SIRT5: variants seen among roughly 807,000 people sequenced by gnomAD.
SIRT5 encodes the protein NAD-dependent protein deacylase sirtuin-5, mitochondrial.
Under a neutral mutation model 40.0 loss-of-function variants are expected in SIRT5, and 26 were observed. The ratio of observed to expected loss-of-function variants is 0.65; its 90% CI spans 0.48 to 0.90. The LOEUF (loss-of-function observed/expected upper bound fraction) is 0.90. Ranked by LOEUF, SIRT5 falls within the 40% of genes least tolerant of loss-of-function variation. The pLI, the probability that SIRT5 is intolerant of heterozygous loss-of-function variation, is 0.00. For missense variants in SIRT5, 401 were observed against 402.4 expected, an observed-to-expected ratio of 1.00 and a Z score of 0.03; for synonymous variants, 146 against 149.1, an observed-to-expected ratio of 0.98 and a Z score of 0.15.
intron 9 of SIRT5, among the ~76,000 whole-genome samples, chr6:13,604,273 T>C (rs1762798852): frequency 6.6e-6 from 1 of 152,222 alleles, no homozygotes; most frequent in South Asian, 2.1e-4. Flanking sequence ...TGAGCCTCCG[T>C]CTGATTTGTG....
chr6:13,589,927 A>T (rs1347050779), intron 4 of SIRT5, among the ~76,000 whole-genome samples: 1 of 152,152 alleles, frequency 6.6e-6, no homozygotes, highest in Non-Finnish European at 1.5e-5. Flanking sequence ...ACGCCTGTGG[A>T]CATATTCCTG....
rs1377722738 is a variant in SIRT5, at chr6:13,601,628, CTTCA to C, written c.857+682_857+685del. Among the ~76,000 whole-genome samples the C allele has an allele frequency of 2.6e-5, 4 of 151,872 alleles. No individual in the cohort carries two copies. In the South Asian group the frequency reaches 8.3e-4, roughly 32 times the overall value. On this transcript the variant is annotated intron_variant, in intron 9 of 9. Transcript: ENST00000606117. The stretch of plus-strand genomic sequence containing the variant: ...TAATATAAATGAATAAAATAGAAAA[CTTCA>C]TTGAACCATCTTGTCATTACTTTAA...
chr6:13,582,132 A>G (rs1028369522), intron 2 of SIRT5, among the ~76,000 whole-genome samples: 2 of 152,174 alleles, frequency 1.3e-5, no homozygotes, highest in South Asian at 2.1e-4. Flanking sequence ...CTCGAGTACA[A>G]GTGTGTTCCT....
At chr6:13,589,816 G>A (rs1760587683) in intron 4 of SIRT5, among the ~76,000 whole-genome samples, 1 of 152,214 alleles carries the variant, frequency 6.6e-6, no homozygotes, top group African/African-American at 2.4e-5. Flanking sequence ...TGCGGGAGGA[G>A]CTCGGAGGAG....
intron 9 of SIRT5, among the ~76,000 whole-genome samples, chr6:13,611,207 G>A (rs2841519): frequency 0.31 from 28,240 of 91,036 alleles, 4,353 homozygotes; most frequent in Admixed American, 0.39. Flanking sequence ...GTGTGTGTGT[G>A]TATATATATA....
At chr6:13,604,243 A>G (rs1762793619) in intron 9 of SIRT5, among the ~76,000 whole-genome samples, 2 of 152,270 alleles carry the variant, frequency 1.3e-5, no homozygotes, top group South Asian at 2.1e-4. Context: ...CTTCTAACTT[A>G]TCTCCTGAAA....
intron 3 of SIRT5, among the ~76,000 whole-genome samples, chr6:13,584,458 C>T (rs1759794287): frequency 6.6e-6 from 1 of 152,170 alleles, no homozygotes; most frequent in Non-Finnish European, 1.5e-5. Context: ...TCAAGCAGTT[C>T]TCTTGCCTCA....
chr6:13,590,317 T>C (rs1447058555), intron 4 of SIRT5, among the ~76,000 whole-genome samples: 1 of 152,170 alleles, frequency 6.6e-6, no homozygotes, highest in Non-Finnish European at 1.5e-5. Context: ...AGACAACCCC[T>C]ACTCGGCTCC....
rs1036801875 is a variant in SIRT5, at chr6:13,593,501, C to T, written c.475+1607C>T. Among the ~76,000 whole-genome samples, 4 of 151,998 alleles carry T rather than the reference C, an allele frequency of 2.6e-5. No homozygotes were observed. In the South Asian group the frequency reaches 8.3e-4, roughly 32 times the overall value. On this transcript the variant is annotated intron_variant, in intron 5 of 9. Coordinates refer to ENST00000606117, the MANE Select transcript of SIRT5 (RefSeq NM_012241.5). ...GTGGGCTATGTCATCAGCATAAAAC[C>T]GAGATGACAATGCCTATCTTATAGA...
chr6:13,574,609 GC>G lies in SIRT5; in HGVS notation c.-329del, dbSNP rs1758325562. On this transcript the variant is annotated 5_prime_UTR_variant, in exon 1 of 10. Coordinates refer to ENST00000606117, the MANE Select transcript of SIRT5 (RefSeq NM_012241.5). The stretch of plus-strand genomic sequence containing the variant: ...GGGGCGTGGGAGACTGTATTCGGGG[GC>G]GCGAGCTGCCCCAGGTGAGCCGTGG... 1 of 152,604 alleles carries G rather than the reference GC, an allele frequency of 6.6e-6. No homozygotes were observed. The highest frequency in any genetic ancestry group is 2.1e-4 in the South Asian group (1 of 4,844). 9.5% of individuals were successfully genotyped at this position (152,604 alleles called of 1,614,324 possible).
intron 6 of SIRT5, among the ~76,000 whole-genome samples, chr6:13,596,010 C>A (rs1481021009): frequency 2.0e-5 from 3 of 151,814 alleles, no homozygotes; most frequent in African/African-American, 4.8e-5. Flanking sequence ...AACAAACAAA[C>A]AAAAAAACTA....
chr6:13,614,462 A>G lies in SIRT5; in HGVS notation c.*2597A>G, dbSNP rs987737930. The G allele has an allele frequency of 6.6e-6, 1 of 152,268 alleles. No individual in the cohort carries two copies. The highest frequency in any genetic ancestry group is 2.4e-5 in the African/African-American group (1 of 41,464). The allele number at this position is 152,268 out of a possible 1,614,324, so 9.4% of individuals were successfully genotyped here. A position where few individuals can be genotyped will look rare whatever the true frequency, so the allele number is the denominator to read the frequency against. On this transcript the variant is annotated 3_prime_UTR_variant, in exon 10 of 10. Transcript: ENST00000606117. Reference sequence around the variant, plus strand: ...AACAGTTTGATTTGTTCAAAGAATGATGAATCACTTAGTGTTGTATAATGG... The same window carrying G: ...AACAGTTTGATTTGTTCAAAGAATGGTGAATCACTTAGTGTTGTATAATGG...
intron 1 of SIRT5, among the ~76,000 whole-genome samples, chr6:13,575,768 C>G (rs554874353): frequency 1.3e-5 from 2 of 152,294 alleles, no homozygotes; most frequent in East Asian, 3.9e-4. Context: ...TCTTACCTAA[C>G]TAAAACTTTG....
intron 9 of SIRT5, 65 bp downstream of exon 9, chr6:13,601,014 A>AT (rs1762306616): frequency 6.7e-6 from 8 of 1,197,974 alleles, no homozygotes; most frequent in Non-Finnish European, 9.7e-6. Flanking sequence ...TCATCTAAAC[A>AT]TAGTTGACCT....
intron 9 of SIRT5, among the ~76,000 whole-genome samples, chr6:13,603,369 A>T (rs1762669148): frequency 6.6e-6 from 1 of 152,048 alleles, no homozygotes; most frequent in Admixed American, 6.6e-5. Flanking sequence ...TGTATCCAGG[A>T]TATATAAAGA....
Position 13,605,343 on chromosome 6 carries a change from CT to C in SIRT5, c.857+4395del, listed in dbSNP as rs1255174174. 18 of 952,490 alleles carry C rather than the reference CT, an allele frequency of 1.9e-5. No individual in the cohort carries two copies. In the African/African-American group the frequency reaches 3.0e-4, roughly 16 times the overall value. The allele number at this position is 952,490 out of a possible 1,614,324, so 59.0% of individuals were successfully genotyped here. A position where few individuals can be genotyped will look rare whatever the true frequency, so the allele number is the denominator to read the frequency against. On this transcript the variant is annotated intron_variant, in intron 9 of 9. Transcript: ENST00000606117. ...ACAGAGACTGGCTGGTCTGCAAAGC[CT>C]AAAATATGTCCTGTGTGGCCCTTTA...
intron 1 of SIRT5, among the ~76,000 whole-genome samples, 166 bp downstream of exon 1, chr6:13,574,910 T>C (rs112360938): frequency 0.02 from 3,109 of 152,072 alleles, 125 homozygotes; most frequent in African/African-American, 0.071. Flanking sequence ...AAGGTCACCC[T>C]GGTCATTGCA....
chr6:13,611,240 C>T (rs5010544), intron 9 of SIRT5, among the ~76,000 whole-genome samples: 62,022 of 122,170 alleles, frequency 0.51, 16,401 homozygotes, highest in Admixed American at 0.62. Flanking sequence ...TATATATACA[C>T]ACACACATAC....
intron 6 of SIRT5, 36 bp from the exon 7 acceptor site, chr6:13,596,927 A>C: frequency 6.5e-7 from 1 of 1,528,312 alleles, no homozygotes; most frequent in Non-Finnish European, 8.9e-7. Flanking sequence ...TATTATGCCA[A>C]TAACAATCTT....
Sources: gnomAD v4.1 joint callset for allele counts (sites outside exome capture counted in the v4.1 genomes callset) on GRCh38, gnomAD v4.1.1 for gene constraint, MANE v1.5 for transcripts, NCBI Gene and HGNC (gene_info 2026-07-23, HGNC 2026-07-21) for gene names.